The following HLX variants were observed in gnomAD, a reference collection of about 807,000 sequenced individuals.
The protein encoded by HLX is H2.0 like homeobox.
A neutral mutation model predicts 27.7 loss-of-function variants in HLX; 6 were observed. The ratio of observed to expected loss-of-function variants is 0.22; its 90% CI spans 0.12 to 0.43. The LOEUF (loss-of-function observed/expected upper bound fraction) is 0.43. HLX is among the 20% of genes least tolerant of loss of function. The pLI, the probability that HLX is intolerant of heterozygous loss-of-function variation, is 1.00. For synonymous variants in HLX, 328 were observed against 293.8 expected (o/e 1.12, Z -1.19); for missense variants, 666 against 655.2 (o/e 1.02, Z -0.18).
Position 220,880,170 on chromosome 1 carries a change from C to G in HLX, c.313C>G (p.Pro105Ala), listed in dbSNP as rs1206422340. Residue 105 changes from proline (P) to alanine (A), a missense_variant, in exon 1 of 4, where the codon CCG (proline) becomes GCG (alanine). Coordinates refer to ENST00000366903, the MANE Select transcript of HLX (RefSeq NM_021958.4). ...CCCAGTGGTGGCGCCCTCCGAAGTC[C>G]CGGCTGGCTTCCCGCAGCGGCTGTC... is the stretch of plus-strand genomic sequence containing the variant. ...PTPVVAPSEV[P>A]AGFPQRLSPL... 2 of 1,613,068 alleles carry G rather than the reference C, an allele frequency of 1.2e-6. No homozygotes were observed. The highest frequency in any genetic ancestry group is 4.5e-5 in the East Asian group (2 of 44,850).
At position 220,884,640 on chromosome 1, in the gene HLX, A is replaced by G; in HGVS notation, c.1403A>G (p.Gln468Arg). 1.2e-6 allele frequency: 2 copies of G among 1,610,704 alleles called. No homozygotes were observed. The highest frequency in any genetic ancestry group is 2.2e-5 in the East Asian group (1 of 44,828). The change falls in exon 4 of 4, where the codon CAG becomes CGG. Residue 468 changes from glutamine to arginine, a missense_variant. Transcript: ENST00000366903. This position sits in a 1 kb window ranked among gnomAD's most constrained non-coding sequence, Gnocchi z 4.9. ...GCCTCGGAGCTTCTCCCTGCAACAC[A>G]GCCCACAGCCAGCAGCGCTCCCAAA... is the stretch of plus-strand genomic sequence containing the variant. ...GGASELLPAT[Q>R]PTASSAPKSP...
chr1:220,880,695 G>A (rs1158118970), intron 1 of HLX: 1 of 586,444 alleles, frequency 1.7e-6, no homozygotes, highest in African/African-American at 1.9e-5. Context: ...ATTTATAAAA[G>A]TGGTTGGTGT....
chr1:220,884,565 G>C lies in HLX; in HGVS notation c.1328G>C (p.Ser443Thr), dbSNP rs751287844. The C allele has an allele frequency of 1.9e-6, 3 of 1,608,080 alleles. No homozygotes were observed. The Middle Eastern group carries it at 5.0e-4, about 266-fold the overall frequency. ...AGCTTCAGCAGCGCCAGCAGTCTTA[G>C]TAGCAGCAGCACCAGTGCGGGTTGC... ...SFSFSSASSL[S>T]SSSTSAGCAS... The change falls in exon 4 of 4, where the codon AGT becomes ACT. Residue 443 changes from serine to threonine, a missense_variant. Physicochemically the swap from Ser to Thr is moderately conservative, Grantham distance 58 (BLOSUM62 1). Transcript: ENST00000366903. The surrounding 1 kb of genome is among the most constrained non-coding windows in gnomAD (Gnocchi z 4.9).
chr1:220,884,775 C>T lies in HLX; in HGVS notation c.*71C>T. ...AACCATGGGCTGGGTTTTGTGCTTA[C>T]TGTATGTTGGCGACTTGGTAGGGCA... On this transcript the variant is annotated 3_prime_UTR_variant, in exon 4 of 4. Transcript: ENST00000366903. This position sits in a 1 kb window ranked among gnomAD's most constrained non-coding sequence, Gnocchi z 4.9. 2 of 1,566,398 alleles carry T rather than the reference C, an allele frequency of 1.3e-6. No homozygotes were observed. The highest frequency in any genetic ancestry group is 1.2e-5 in the South Asian group (1 of 86,934).
At chr1:220,882,403 G>C (rs1674477508) in intron 3 of HLX, 55 bp downstream of exon 3, 1 of 1,544,334 alleles carries the variant, frequency 6.5e-7, no homozygotes, top group African/African-American at 1.4e-5. Flanking sequence ...GCAGCGCACG[G>C]CCTAGTCTGG....
At position 220,880,334 on chromosome 1, in the gene HLX, C is replaced by T. The variant is rs764142632; in HGVS notation, c.477C>T (p.Asn159=). 2.5e-6 allele frequency: 4 copies of T among 1,613,906 alleles called. No homozygotes were observed. The East Asian group carries it at 6.7e-5, about 27-fold the overall frequency. The change falls in exon 1 of 4, where the codon AAC becomes AAT. Residue 159 remains asparagine, a synonymous_variant. Transcript: ENST00000366903. ...PPASGTRVVP[N]PHHSGSAPAP... ...CCTCGGGGACGCGAGTGGTTCCGAA[C>T]CCCCACCACAGTGGCTCTGCCCCGG...
At position 220,880,152 on chromosome 1, in the gene HLX, G is replaced by C; in HGVS notation, c.295G>C (p.Val99Leu). ...ARSPLRPTPVVAPSEVPAGFP... is the reference protein window; with the variant it reads ...ARSPLRPTPVLAPSEVPAGFP... ...ATCCCCGCTTCGACCCACCCCAGTGGTGGCGCCCTCCGAAGTCCCGGCTGG... is the reference window on the plus strand; with the variant it reads ...ATCCCCGCTTCGACCCACCCCAGTGCTGGCGCCCTCCGAAGTCCCGGCTGG... The change falls in exon 1 of 4, where the codon GTG (valine) becomes CTG (leucine). Residue 99 changes from valine to leucine, a missense_variant. Coordinates refer to ENST00000366903, the MANE Select transcript of HLX (RefSeq NM_021958.4). 1 of 1,612,296 alleles carries C rather than the reference G, an allele frequency of 6.2e-7. No individual in the cohort carries two copies. Among genetic ancestry groups the C allele is most frequent in the Non-Finnish European group, 8.5e-7 (1 of 1,179,508 alleles).
chr1:220,881,148 G>A, intron 1 of HLX, 46 bp from the exon 2 acceptor site: 2 of 1,520,436 alleles, frequency 1.3e-6, no homozygotes, highest in Non-Finnish European at 1.8e-6. Flanking sequence ...CGGAGAGTGT[G>A]AGTGTGCCCG....
chr1:220,882,370 C>G (rs1289924290), intron 3 of HLX, 22 bp downstream of exon 3: 4 of 1,611,832 alleles, frequency 2.5e-6, no homozygotes, highest in Non-Finnish European at 3.4e-6. Flanking sequence ...CTGGCTCCAG[C>G]GCACAGCGCC....
At chr1:220,883,093 C>T (rs891140972) in intron 3 of HLX, 5 of 151,652 alleles carry the variant, frequency 3.3e-5, no homozygotes, top group African/African-American at 1.2e-4. Context: ...GCTTCCCCAC[C>T]CCCCACCACC....
rs764329179 is a variant in HLX at position 220,884,312 on chromosome 1, G to C, written c.1075G>C (p.Asp359His). 1.2e-6 allele frequency: 2 copies of C among 1,613,764 alleles called. No homozygotes were observed. The highest frequency in any genetic ancestry group is 3.3e-5 in the Admixed American group (2 of 60,010). The stretch of plus-strand genomic sequence containing the variant: ...GCCATCAGGTGGAGCCCCGGCTGCG[G>C]ATGGCGAGCAGGACGAGAGGAGCCC... Reference protein sequence around the residue: ...EKPSGGAPAADGEQDERSPSR... With the variant: ...EKPSGGAPAAHGEQDERSPSR... The change falls in exon 4 of 4, where the codon GAT becomes CAT. Residue 359 changes from aspartate to histidine, a missense_variant. Physicochemically the swap from Asp to His is moderately conservative, Grantham distance 81. Transcript: ENST00000366903. This position sits in a 1 kb window ranked among gnomAD's most constrained non-coding sequence, Gnocchi z 4.9.
At position 220,882,427 on chromosome 1, in the gene HLX, T is replaced by A. The variant is rs759253383; in HGVS notation, c.957+79T>A. The A allele has an allele frequency of 4.0e-5, 55 of 1,376,012 alleles. 1 individual carries two copies. Among genetic ancestry groups the A allele is most frequent in the Non-Finnish European group, 5.1e-5 (50 of 980,908 alleles). The allele number at this position is 1,376,012 out of a possible 1,614,324, so 85.2% of individuals were successfully genotyped here. On this transcript the variant is annotated intron_variant, in intron 3 of 3. Transcript: ENST00000366903. ...GGCCTAGTCTGGTAGGTCCCCTCCA[T>A]CCCGGCCGACTGGCCTCCTGCGGTG...
rs1300348866 is a variant in HLX at position 220,879,626 on chromosome 1, C to A, written c.-232C>A. The A allele has an allele frequency of 6.4e-6, 4 of 627,248 alleles. No homozygotes were observed. Among genetic ancestry groups the A allele is most frequent in the African/African-American group, 5.9e-5 (3 of 50,928 alleles). The allele number at this position is 627,248 out of a possible 1,614,324, so 38.9% of individuals were successfully genotyped here. On this transcript the variant is annotated 5_prime_UTR_variant, in exon 1 of 4. Coordinates refer to ENST00000366903, the MANE Select transcript of HLX (RefSeq NM_021958.4). ...CCCGCGAGGAGTGCGGGCGCCGCGC[C>A]GCCTTTAAAGCGAGGCCAGGGAGCG...
In HLX at chr1:220,885,049, C is replaced by G. The variant is rs776935970; in HGVS notation, c.*345C>G. ...AAATTTGTAAATAAAATGTTTACTA[C>G]GGTTTGTAAAGGCCGCTTGGCTTTG... On this transcript the variant is annotated 3_prime_UTR_variant, in exon 4 of 4. Transcript: ENST00000366903. 1 of 319,180 alleles carries G rather than the reference C, an allele frequency of 3.1e-6. No homozygotes were observed. Among genetic ancestry groups the G allele is most frequent in the Non-Finnish European group, 5.9e-6 (1 of 168,652 alleles). The allele number at this position is 319,180 out of a possible 1,614,324, so 19.8% of individuals were successfully genotyped here. A position where few individuals can be genotyped will look rare whatever the true frequency, so the allele number is the denominator to read the frequency against.
Position 220,880,082 on chromosome 1 carries a change from C to A in HLX, c.225C>A (p.His75Gln). The change falls in exon 1 of 4, where the codon CAC becomes CAA. Residue 75 changes from histidine (H) to glutamine (Q), a missense_variant. Physicochemically the swap from His to Gln is conservative, Grantham distance 24. Coordinates refer to ENST00000366903, the MANE Select transcript of HLX (RefSeq NM_021958.4). Reference sequence around the variant, plus strand: ...CCTCGGCCGCCGCCCTCACCGCGCACTTGGGCTCGGTTCACCCGCACGCCT... The same window carrying A: ...CCTCGGCCGCCGCCCTCACCGCGCAATTGGGCTCGGTTCACCCGCACGCCT... ...AGASAAALTAHLGSVHPHASF... is the reference protein window; with the variant it reads ...AGASAAALTAQLGSVHPHASF... 6.3e-7 allele frequency: 1 copy of A among 1,594,246 alleles called. No individual in the cohort carries two copies. Among genetic ancestry groups the A allele is most frequent in the Non-Finnish European group, 8.5e-7 (1 of 1,173,098 alleles).
chr1:220,880,218 C>T lies in HLX; in HGVS notation c.361C>T (p.His121Tyr). Residue 121 changes from histidine (H) to tyrosine (Y), a missense_variant, in exon 1 of 4, where the codon CAC (histidine) becomes TAC (tyrosine). By Grantham distance (83) the His-to-Tyr change is moderately conservative. Transcript: ENST00000366903. Reference protein sequence around the residue: ...RLSPLSAAYHHHHPQQQQQQQ... With the variant: ...RLSPLSAAYHYHHPQQQQQQQ... ...GTCTCCGCTCTCAGCCGCCTACCAC[C>T]ACCATCACCCGCAACAACAACAGCA... 6.2e-7 allele frequency: 1 copy of T among 1,612,586 alleles called. No individual in the cohort carries two copies. The highest frequency in any genetic ancestry group is 8.5e-7 in the Non-Finnish European group (1 of 1,178,922).
At position 220,882,294 on chromosome 1, in the gene HLX, G is replaced by C. The variant is rs746915712; in HGVS notation, c.903G>C (p.Val301=). ...AAAGGTTTGAGATTCAGAAGTACGT[G>C]ACCAAGCCGGACCGAAAGCAGCTGG... is the stretch of plus-strand genomic sequence containing the variant. ...LEKRFEIQKY[V]TKPDRKQLAA... The change falls in exon 3 of 4, where the codon GTG becomes GTC. Residue 301 remains valine, a synonymous_variant. Transcript: ENST00000366903. The C allele has an allele frequency of 6.2e-7, 1 of 1,614,242 alleles. No homozygotes were observed. The highest frequency in any genetic ancestry group is 1.1e-5 in the South Asian group (1 of 91,072).
Position 220,881,328 on chromosome 1 carries a change from A to G in HLX, c.727A>G (p.Asn243Asp), listed in dbSNP as rs1674433235. ...ASAILSPLNS[N>D]PRNSVQHQFQ... Reference sequence around the variant, plus strand: ...TGCAATCCTGAGTCCCTTAAACTCGAACCCAAGAAATTCAGTTCAGCATCA... The same window carrying G: ...TGCAATCCTGAGTCCCTTAAACTCGGACCCAAGAAATTCAGTTCAGCATCA... Residue 243 changes from asparagine to aspartate, a missense_variant, in exon 2 of 4, where the codon AAC (asparagine) becomes GAC (aspartate). Physicochemically the swap from Asn to Asp is conservative, Grantham distance 23 (BLOSUM62 1). Coordinates refer to ENST00000366903, the MANE Select transcript of HLX (RefSeq NM_021958.4). The G allele has an allele frequency of 6.2e-7, 1 of 1,614,086 alleles. No individual in the cohort carries two copies. Among genetic ancestry groups the G allele is most frequent in the South Asian group, 1.1e-5 (1 of 91,094 alleles).
In HLX at chr1:220,884,822, C is replaced by T. The variant is rs1249767441; in HGVS notation, c.*118C>T. ...GGCAGGAGACGCAGCGTGGAGCCTA[C>T]CTCCCGACATTCACGCTTCGCCCCA... On this transcript the variant is annotated 3_prime_UTR_variant, in exon 4 of 4. Transcript: ENST00000366903. The surrounding 1 kb of genome is among the most constrained non-coding windows in gnomAD (Gnocchi z 4.9). 12 of 1,453,824 alleles carry T rather than the reference C, an allele frequency of 8.3e-6. No homozygotes were observed. The highest frequency in any genetic ancestry group is 2.6e-5 in the South Asian group (2 of 76,586). The allele number at this position is 1,453,824 out of a possible 1,614,324, so 90.1% of individuals were successfully genotyped here. A position where few individuals can be genotyped will look rare whatever the true frequency, so the allele number is the denominator to read the frequency against.
Sources: allele counts gnomAD v4.1 joint callset, GRCh38; gene constraint gnomAD v4.1.1; non-coding constraint Gnocchi (gnomAD v3.1); transcripts MANE v1.5; gene names NCBI Gene and HGNC (gene_info 2026-07-23, HGNC 2026-07-21).